Variants in PHLDB2 observed in about 807,000 individuals in gnomAD.
The protein encoded by PHLDB2 is pleckstrin homology like domain family B member 2, also known as pleckstrin homology-like domain family B member 2.
PHLDB2 carries 71 observed loss-of-function variants against 123.6 expected under a neutral mutation model. The ratio of observed to expected loss-of-function variants is 0.57; its 90% CI spans 0.47 to 0.70. PHLDB2 has a LOEUF of 0.70. Among genes scored for constraint, PHLDB2 ranks in the 30% least tolerant of loss-of-function variants. PHLDB2 has a pLI of 0.00. For missense variants in PHLDB2, 1,446 were observed against 1,519.5 expected, an observed-to-expected ratio of 0.95 and a Z score of 0.80; for synonymous variants, 547 against 541.6, an observed-to-expected ratio of 1.01 and a Z score of -0.14.
At chr3:111,909,127 C>T (rs529183131) in intron 2 of PHLDB2, among the ~76,000 whole-genome samples, 1 of 152,268 alleles carries the variant, frequency 6.6e-6, no homozygotes, top group African/African-American at 2.4e-5. Flanking sequence ...TGGAAATGCC[C>T]TGCCCACCCC....
intron 2 of PHLDB2, among the ~76,000 whole-genome samples, chr3:111,849,315 C>T (rs1161864288): frequency 5.3e-5 from 8 of 151,380 alleles, no homozygotes; most frequent in Non-Finnish European, 1.2e-4. Context: ...AGACTATAGG[C>T]CCAAGACACC....
intron 1 of PHLDB2, among the ~76,000 whole-genome samples, chr3:111,867,606 T>A (rs1429945502): frequency 6.6e-6 from 1 of 152,196 alleles, no homozygotes; most frequent in Admixed American, 6.5e-5. Context: ...AGAGTATTTT[T>A]AAGATATATC....
At chr3:111,885,531 C>A in intron 2 of PHLDB2, 119 bp downstream of exon 2, 1 of 1,255,612 alleles carries the variant, frequency 8.0e-7, no homozygotes, top group Non-Finnish European at 1.1e-6. Flanking sequence ...TCACTAGCCA[C>A]AGCTGCTATC....
chr3:111,831,027 A>G (rs960166693), intron 1 of PHLDB2, among the ~76,000 whole-genome samples: 2 of 86,294 alleles, frequency 2.3e-5, no homozygotes, highest in African/African-American at 9.6e-5. Flanking sequence ...GAAAGAAAGA[A>G]AGAAAGGAAG....
chr3:111,770,483 C>T (rs1438268815), intron 1 of PHLDB2, among the ~76,000 whole-genome samples: 1 of 152,064 alleles, frequency 6.6e-6, no homozygotes, highest in Non-Finnish European at 1.5e-5. Context: ...GCTGTTGTTC[C>T]CCAGACACAA....
At chr3:111,861,179 A>G (rs2064820250) in intron 1 of PHLDB2, among the ~76,000 whole-genome samples, 1 of 152,196 alleles carries the variant, frequency 6.6e-6, no homozygotes, top group Non-Finnish European at 1.5e-5. Context: ...CACTATTTTA[A>G]CAGAATGGCT....
intron 1 of PHLDB2, among the ~76,000 whole-genome samples, chr3:111,751,168 G>GGGGTGTGT (rs752825947): frequency 6.2e-5 from 9 of 144,046 alleles, no homozygotes; most frequent in African/African-American, 1.5e-4. Context: ...GAGACAATGG[G>GGGGTGTGT]GTGTGTGTGT....
chr3:111,856,429 T>C (rs2064511499), upstream of PHLDB2, among the ~76,000 whole-genome samples: 1 of 152,228 alleles, frequency 6.6e-6, no homozygotes, highest in Non-Finnish European at 1.5e-5. Flanking sequence ...ACTTATAAAA[T>C]GGGAGTAGTA....
intron 1 of PHLDB2, among the ~76,000 whole-genome samples, chr3:111,820,393 C>T (rs1473104829): frequency 2.0e-5 from 3 of 152,202 alleles, no homozygotes; most frequent in Non-Finnish European, 4.4e-5. Flanking sequence ...TTAGAATTCT[C>T]AGACCCCTTG....
chr3:111,855,669 C>G (rs530330569), upstream of PHLDB2, among the ~76,000 whole-genome samples: 1 of 122,860 alleles, frequency 8.1e-6, no homozygotes, highest in African/African-American at 3.1e-5. Flanking sequence ...CAAGGTCTCA[C>G]TCTGCCACCC....
intron 1 of PHLDB2, among the ~76,000 whole-genome samples, chr3:111,864,811 T>C (rs1300907917): frequency 6.6e-6 from 1 of 152,242 alleles, no homozygotes; most frequent in Admixed American, 6.5e-5. Context: ...AAAGAAAATA[T>C]TGTGTATGCC....
chr3:111,939,137 G>A (rs917671881), intron 6 of PHLDB2, among the ~76,000 whole-genome samples: 10 of 152,126 alleles, frequency 6.6e-5, no homozygotes, highest in Non-Finnish European at 1.3e-4. Context: ...GTAACGCTAT[G>A]TTACACCTTT....
chr3:111,832,654 TACATATA>T (rs2063109397), intron 1 of PHLDB2, among the ~76,000 whole-genome samples: 1 of 133,372 alleles, frequency 7.5e-6, no homozygotes, highest in Admixed American at 8.1e-5. Flanking sequence ...AATGCCATTA[TACATATA>T]ATATATATAA....
At position 111,852,874 on chromosome 3, in the gene PHLDB2, A is replaced by G. The variant is rs2064322456; in HGVS notation, c.67+6939A>G. Among the ~76,000 whole-genome samples, 5 of 152,202 alleles carry G rather than the reference A, an allele frequency of 3.3e-5. No individual in the cohort carries two copies. In the South Asian group the frequency reaches 1.0e-3, roughly 31 times the overall value. ...CAGAAGGAGAACGTTTAATGCAGAA[A>G]TTAATCAGATGTTCCAAATAGATTT... On this transcript the variant is annotated intron_variant, in intron 2 of 17. Transcript: ENST00000393923.
chr3:111,852,508 G>T (rs1471656401), intron 2 of PHLDB2, among the ~76,000 whole-genome samples: 1 of 151,762 alleles, frequency 6.6e-6, no homozygotes, highest in African/African-American at 2.4e-5. Context: ...TAACTGGAGG[G>T]ATGATGAAAG....
intron 1 of PHLDB2, among the ~76,000 whole-genome samples, chr3:111,807,061 C>G (rs894967970): frequency 6.6e-6 from 1 of 151,302 alleles, no homozygotes; most frequent in African/African-American, 2.4e-5. Context: ...ATGCTATTGT[C>G]AGGATACAGT....
chr3:111,744,586 C>T (rs1043692664), intron 1 of PHLDB2, among the ~76,000 whole-genome samples: 4 of 152,128 alleles, frequency 2.6e-5, no homozygotes, highest in Non-Finnish European at 4.4e-5. Context: ...CACAAACATA[C>T]GTGGATACTG....
At chr3:111,857,450 C>CAAAAAA (rs72339280), upstream of PHLDB2, among the ~76,000 whole-genome samples, 6 of 113,348 alleles carry the variant, frequency 5.3e-5, no homozygotes, top group South Asian at 3.1e-4. Flanking sequence ...GGCCCTGTCT[C>CAAAAAA]AAAAAAAAAA....
intron 1 of PHLDB2, among the ~76,000 whole-genome samples, chr3:111,794,593 A>G (rs1332367784): frequency 6.6e-6 from 1 of 152,226 alleles, no homozygotes; most frequent in Non-Finnish European, 1.5e-5. Flanking sequence ...GATTATTTGT[A>G]GATACCACTA....
Sources: gnomAD v4.1 joint callset for allele counts (sites outside exome capture counted in the v4.1 genomes callset) on GRCh38, gnomAD v4.1.1 for gene constraint, MANE v1.5 for transcripts, NCBI Gene and HGNC (gene_info 2026-07-23, HGNC 2026-07-21) for gene names.